IRGM: variants seen among roughly 807,000 people sequenced by gnomAD.
The protein encoded by IRGM is immunity-related GTPase family M protein.
For missense variants in IRGM, 288 were observed against 219.9 expected (o/e 1.31, Z -1.96); for synonymous variants, 98 against 80.6 (o/e 1.22, Z -1.16).
intron 1 of IRGM, among the ~76,000 whole-genome samples, chr5:150,864,828 G>A (rs1445994219): frequency 6.6e-6 from 1 of 152,244 alleles, no homozygotes; most frequent in Non-Finnish European, 1.5e-5. Flanking sequence ...TTAGTGCTGT[G>A]CAATGGCCAT....
Position 150,846,597 on chromosome 5 carries a change from C to CA in IRGM, c.-1038dup, listed in dbSNP as rs1266632008. ...CTTTGCAGTAAATCTTGCTGCTGCT[C>CA]ATTCTTTGGGTCCACACTGCCTTTA... is the stretch of plus-strand genomic sequence containing the variant. On this transcript the variant is annotated 5_prime_UTR_variant, in exon 1 of 2. It removes the in-frame stop codon of an upstream open reading frame in the 5' UTR. Coordinates refer to ENST00000522154, the MANE Select transcript of IRGM (RefSeq NM_001145805.2). The CA allele has an allele frequency of 7.2e-6, 1 of 138,764 alleles. No homozygotes were observed. Among genetic ancestry groups the CA allele is most frequent in the Admixed American group, 6.8e-5 (1 of 14,602 alleles). The allele number at this position is 138,764 out of a possible 1,614,324, so 8.6% of individuals were successfully genotyped here. A position where few individuals can be genotyped will look rare whatever the true frequency, so the allele number is the denominator to read the frequency against.
chr5:150,877,488 T>G (rs907828884), intron 1 of IRGM, among the ~76,000 whole-genome samples: 15 of 152,192 alleles, frequency 9.9e-5, no homozygotes, highest in African/African-American at 3.4e-4. Flanking sequence ...CTCCTTAGCT[T>G]GCACACGGCC....
chr5:150,895,181 T>G (rs1214119357), intron 3 of IRGM: 1 of 395,882 alleles, frequency 2.5e-6, no homozygotes, highest in Admixed American at 4.0e-5. Flanking sequence ...ATGCTTAACT[T>G]GCTGTGCTGA....
intron 1 of IRGM, among the ~76,000 whole-genome samples, chr5:150,873,109 A>G (rs12657157): frequency 0.17 from 26,000 of 152,060 alleles, 3,155 homozygotes; most frequent in East Asian, 0.43. Flanking sequence ...TAGCTACCAT[A>G]ATGGACAGCA....
chr5:150,878,182 G>A (rs973390668), intron 2 of IRGM: 2 of 361,820 alleles, frequency 5.5e-6, no homozygotes, highest in African/African-American at 2.2e-5. Context: ...TTTTTTTTTT[G>A]TTGTTGTTGT....
At chr5:150,871,804 T>C (rs1475307444) in intron 1 of IRGM, among the ~76,000 whole-genome samples, 1 of 152,238 alleles carries the variant, frequency 6.6e-6, no homozygotes, top group Non-Finnish European at 1.5e-5. Context: ...TAAAGTGTAC[T>C]GTAAAAACAT....
At chr5:150,898,073 T>A (rs769077838) in intron 3 of IRGM, 1 of 1,610,774 alleles carries the variant, frequency 6.2e-7, no homozygotes, top group Admixed American at 1.7e-5. Context: ...TTGTCTCCCA[T>A]CTGCCTGATA....
chr5:150,884,699 G>T (rs891512745), intron 3 of IRGM, among the ~76,000 whole-genome samples: 1 of 152,014 alleles, frequency 6.6e-6, no homozygotes, highest in Non-Finnish European at 1.5e-5. Context: ...AAATATGATT[G>T]TTGGCCACAT....
chr5:150,857,629 T>G (rs1277572741), intron 1 of IRGM, among the ~76,000 whole-genome samples: 1 of 151,648 alleles, frequency 6.6e-6, no homozygotes, highest in East Asian at 1.9e-4. Context: ...TTCTAACTGG[T>G]GTGAGATGGT....
At chr5:150,877,846 G>A (rs1163378836) in intron 1 of IRGM, 3 of 375,026 alleles carry the variant, frequency 8.0e-6, no homozygotes, top group Non-Finnish European at 1.6e-5. Flanking sequence ...ACCACTAGGT[G>A]TTTTAGTTTC....
In IRGM at chr5:150,893,743, G is replaced by A. The variant is rs1466764800; in HGVS notation, c.*141-6846G>A. ...TTAGTTCCACACAACTGTAGCTTCAGTTCCATATAAATAGAGCTAAAAATC... is the reference window on the plus strand; with the variant it reads ...TTAGTTCCACACAACTGTAGCTTCAATTCCATATAAATAGAGCTAAAAATC... On this transcript the variant is annotated intron_variant and NMD_transcript_variant, in intron 3 of 3. Coordinates refer to the IRGM transcript ENST00000520549. Among the ~76,000 whole-genome samples, 3 of 152,134 alleles carry A rather than the reference G, an allele frequency of 2.0e-5. No homozygotes were observed. In the East Asian group the frequency reaches 5.8e-4, roughly 29 times the overall value.
chr5:150,863,111 G>A lies in IRGM; in HGVS notation c.158+14457G>A, dbSNP rs189602449. The stretch of plus-strand genomic sequence containing the variant: ...GGCCACACTGAGAGATTCTTCTTAG[G>A]GTTGCACTAATTTAGGGTTTGTGTC... On this transcript the variant is annotated intron_variant and NMD_transcript_variant, in intron 1 of 3. Transcript: ENST00000520549. Among the ~76,000 whole-genome samples, 249 of 152,266 alleles carry A rather than the reference G, an allele frequency of 1.6e-3. 2 individuals carry two copies. Among genetic ancestry groups the A allele is most frequent in the African/African-American group, 5.8e-3 (240 of 41,544 alleles).
At chr5:150,865,892 G>A (rs555912365) in intron 1 of IRGM, among the ~76,000 whole-genome samples, 1 of 152,200 alleles carries the variant, frequency 6.6e-6, no homozygotes, top group Non-Finnish European at 1.5e-5. Context: ...GGGTAGCTGG[G>A]ACCACAGGCA....
intron 3 of IRGM, chr5:150,898,412 G>A (rs1287424109): frequency 6.2e-7 from 1 of 1,613,392 alleles, no homozygotes; most frequent in East Asian, 2.2e-5. Flanking sequence ...GAGTTATTCA[G>A]GGAAGCCATC....
chr5:150,887,523 C>T (rs902384034), intron 3 of IRGM, among the ~76,000 whole-genome samples: 3 of 151,808 alleles, frequency 2.0e-5, no homozygotes, highest in Admixed American at 6.6e-5. Context: ...TTCAGGCTAT[C>T]ATCCATGAAA....
chr5:150,896,613 C>T (rs1268955667), intron 3 of IRGM: 2 of 1,613,412 alleles, frequency 1.2e-6, no homozygotes, highest in African/African-American at 2.7e-5. Context: ...AGGTTTTTTT[C>T]TTGAATTGCT....
intron 3 of IRGM, among the ~76,000 whole-genome samples, chr5:150,887,915 A>G (rs1161288375): frequency 6.6e-6 from 1 of 152,028 alleles, no homozygotes; most frequent in Non-Finnish European, 1.5e-5. Flanking sequence ...AGCCAGCATA[A>G]TAACCAGCTA....
intron 3 of IRGM, among the ~76,000 whole-genome samples, chr5:150,890,236 A>C (rs1754588411): frequency 6.6e-6 from 1 of 151,986 alleles, no homozygotes; most frequent in African/African-American, 2.4e-5. Flanking sequence ...TTCTCGAGTA[A>C]GGTGTGGTAG....
rs1480122671 is a variant in IRGM at position 150,878,586 on chromosome 5, A to G, written c.*78+472A>G. 3.9e-5 allele frequency among the ~76,000 whole-genome samples: 6 copies of G among 152,034 alleles called. No individual in the cohort carries two copies. In the East Asian group the frequency reaches 1.2e-3, roughly 29 times the overall value. On this transcript the variant is annotated intron_variant and NMD_transcript_variant, in intron 2 of 3. Coordinates refer to the IRGM transcript ENST00000520549. ...TTTTGAGCTCATCACTATGAAATTTATTTAGAATTTATCTTTATCCATTTA... is the reference window on the plus strand; with the variant it reads ...TTTTGAGCTCATCACTATGAAATTTGTTTAGAATTTATCTTTATCCATTTA...
Sources: gnomAD v4.1 joint callset for allele counts (sites outside exome capture counted in the v4.1 genomes callset) on GRCh38, gnomAD v4.1.1 for gene constraint, MANE v1.5 for transcripts, NCBI Gene and HGNC (gene_info 2026-07-23, HGNC 2026-07-21) for gene names.